The following STXBP4 variants were observed in gnomAD, a reference collection of about 807,000 sequenced individuals.
STXBP4 encodes the protein syntaxin binding protein 4, also known as syntaxin-binding protein 4.
In STXBP4, 55 loss-of-function variants were observed where a neutral mutation model predicts 76.1. The observed-to-expected ratio is 0.72, with a 90% CI of 0.58 to 0.91. The LOEUF (loss-of-function observed/expected upper bound fraction) is 0.91. STXBP4 is among the 40% of genes least tolerant of loss of function. The pLI, the probability that STXBP4 is intolerant of heterozygous loss-of-function variation, is 0.00. For missense variants in STXBP4, 618 were observed against 636.9 expected (o/e 0.97, Z 0.32); for synonymous variants, 201 against 220.2 (o/e 0.91, Z 0.77).
At chr17:55,053,406 T>C (rs2078885777) in intron 12 of STXBP4, among the ~76,000 whole-genome samples, 1 of 152,064 alleles carries the variant, frequency 6.6e-6, no homozygotes, top group Admixed American at 6.6e-5. Flanking sequence ...TGTATAAATA[T>C]TACATATATG....
rs1229888036 is a variant in STXBP4 at position 55,164,663 on chromosome 17, A to G, written c.*4752A>G. The G allele has an allele frequency of 6.6e-6, 1 of 150,606 alleles. No individual in the cohort carries two copies. Among genetic ancestry groups the G allele is most frequent in the Admixed American group, 6.6e-5 (1 of 15,128 alleles). The allele number at this position is 150,606 out of a possible 1,614,324, so 9.3% of individuals were successfully genotyped here. On this transcript the variant is annotated 3_prime_UTR_variant, in exon 18 of 18. Coordinates refer to ENST00000376352, the MANE Select transcript of STXBP4 (RefSeq NM_178509.6). ...GAGACGGGGTTTCACCTTGTTAGCC[A>G]GGATGGTCTCGATCTCCTGACCTCA... is the stretch of plus-strand genomic sequence containing the variant.
intron 16 of STXBP4, among the ~76,000 whole-genome samples, chr17:55,082,686 C>A (rs1412933319): frequency 6.6e-6 from 1 of 151,986 alleles, no homozygotes; most frequent in African/African-American, 2.4e-5. Context: ...AAAAATGCCC[C>A]CTAGGTGCAA....
At chr17:55,062,265 G>C (rs1367647826) in intron 12 of STXBP4, among the ~76,000 whole-genome samples, 1 of 152,028 alleles carries the variant, frequency 6.6e-6, no homozygotes, top group African/African-American at 2.4e-5. Flanking sequence ...ACAGGCCCCA[G>C]TGTGTGATGA....
intron 1 of STXBP4, among the ~76,000 whole-genome samples, chr17:54,974,761 C>G (rs1401220530): frequency 6.6e-6 from 1 of 152,230 alleles, no homozygotes; most frequent in Non-Finnish European, 1.5e-5. Context: ...GTACAGTAAG[C>G]AGCAGAGAGA....
intron 11 of STXBP4, chr17:55,044,877 A>G (rs1480562138): frequency 6.6e-6 from 1 of 150,926 alleles, no homozygotes; most frequent in Non-Finnish European, 1.5e-5. Context: ...CTCTCTTTAT[A>G]AGAATTATAT....
intron 16 of STXBP4, among the ~76,000 whole-genome samples, chr17:55,125,500 A>AAAAAAAAAAT (rs1459281293): frequency 8.0e-5 from 12 of 149,268 alleles, no homozygotes; most frequent in African/African-American, 2.8e-4. Flanking sequence ...AAAAAAAAAA[A>AAAAAAAAAAT]TACAATTGAA....
At chr17:55,125,479 C>CAAAAAAAAAAAAAAAAAAAAAAA (rs10632680) in intron 16 of STXBP4, among the ~76,000 whole-genome samples, 2 of 91,778 alleles carry the variant, frequency 2.2e-5, no homozygotes, top group Non-Finnish European at 2.1e-5. Flanking sequence ...GGACAAAATA[C>CAAAAAAAAAAAAAAAAAAAAAAA]AAAAAAAAAA....
At chr17:55,110,805 G>A (rs2079702986) in intron 16 of STXBP4, among the ~76,000 whole-genome samples, 1 of 152,174 alleles carries the variant, frequency 6.6e-6, no homozygotes. Context: ...TCCTAGCCTA[G>A]CACATAAATA....
chr17:55,021,854 G>A (rs529219037), intron 8 of STXBP4, among the ~76,000 whole-genome samples: 66 of 152,114 alleles, frequency 4.3e-4, no homozygotes, highest in Non-Finnish European at 8.2e-4. Context: ...CTCAAGAATA[G>A]TTTCACAATA....
the STXBP4 span, among the ~76,000 whole-genome samples, chr17:55,184,804 G>C: frequency 6.6e-6 from 1 of 152,226 alleles, no homozygotes; most frequent in Admixed American, 6.5e-5. Context: ...AAGGGGGTCT[G>C]TGGATTAGAT....
the STXBP4 span, among the ~76,000 whole-genome samples, chr17:55,213,256 TA>T: frequency 6.6e-6 from 1 of 152,154 alleles, no homozygotes; most frequent in East Asian, 1.9e-4. Context: ...CTCATGCCTG[TA>T]ATCCCAGCAC....
chr17:55,093,238 C>G (rs989004161), intron 16 of STXBP4, among the ~76,000 whole-genome samples: 3 of 152,130 alleles, frequency 2.0e-5, no homozygotes, highest in Non-Finnish European at 4.4e-5. Flanking sequence ...GATCTGCCCC[C>G]CTCGGCCTCC....
At chr17:55,201,009 T>C in the STXBP4 span, among the ~76,000 whole-genome samples, 1 of 152,236 alleles carries the variant, frequency 6.6e-6, no homozygotes, top group Non-Finnish European at 1.5e-5. Flanking sequence ...TCTCTCTCTC[T>C]GTCTGGAGAC....
At chr17:55,196,280 A>T in the STXBP4 span, among the ~76,000 whole-genome samples, 1 of 152,170 alleles carries the variant, frequency 6.6e-6, no homozygotes, top group Non-Finnish European at 1.5e-5. Flanking sequence ...TCCTAAGGAT[A>T]GCAGACAAGT....
At chr17:55,002,672 A>C (rs2077940154) in intron 7 of STXBP4, among the ~76,000 whole-genome samples, 1 of 152,196 alleles carries the variant, frequency 6.6e-6, no homozygotes, top group Non-Finnish European at 1.5e-5. Flanking sequence ...GGAAGTAGTG[A>C]GTGCTATGAG....
Position 55,072,982 on chromosome 17 carries a change from G to A in STXBP4, c.1094G>A (p.Gly365Glu). The A allele has an allele frequency of 1.2e-6, 2 of 1,614,010 alleles. No individual in the cohort carries two copies. The highest frequency in any genetic ancestry group is 1.7e-4 in the Middle Eastern group (1 of 6,060). ...GAAGCTGCTCAGAGACAGGCACATG[G>A]AATGGAAATGGACTATGAAGAAGTG... ...LAEAAQRQAH[G>E]MEMDYEEVIR... Residue 365 changes from glycine (G) to glutamate (E), a missense_variant, in exon 13 of 18, where the codon GGA becomes GAA. Transcript: ENST00000376352.
the STXBP4 span, among the ~76,000 whole-genome samples, chr17:55,192,727 T>C: frequency 2.0e-5 from 3 of 152,202 alleles, no homozygotes. Flanking sequence ...GTCTCTACTC[T>C]TAGTATGCCC....
At chr17:55,112,431 A>T (rs540216828) in intron 16 of STXBP4, among the ~76,000 whole-genome samples, 18 of 152,230 alleles carry the variant, frequency 1.2e-4, no homozygotes, top group African/African-American at 4.3e-4. Flanking sequence ...TAAGTATTTA[A>T]CAACTAAATG....
chr17:55,033,817 T>C (rs972018837), intron 9 of STXBP4, among the ~76,000 whole-genome samples: 2 of 152,200 alleles, frequency 1.3e-5, no homozygotes, highest in Non-Finnish European at 2.9e-5. Context: ...TAATAATTGC[T>C]ATCAAACCTC....
Sources: allele counts gnomAD v4.1 joint callset (sites outside exome capture counted in the v4.1 genomes callset), GRCh38; gene constraint gnomAD v4.1.1; transcripts MANE v1.5; gene names NCBI Gene and HGNC (gene_info 2026-07-23, HGNC 2026-07-21).